Variants in MALRD1 observed in about 807,000 individuals in gnomAD.
The protein encoded by MALRD1 is MAM and LDL-receptor class A domain-containing protein 1.
A neutral mutation model predicts 242.1 loss-of-function variants in MALRD1; 247 were observed. The ratio of observed to expected loss-of-function variants is 1.02; its 90% CI spans 0.92 to 1.13. The LOEUF is 1.13. Among genes scored for constraint, MALRD1 ranks in the 50% most tolerant of loss-of-function variants. The probability of loss-of-function intolerance (pLI) is 0.00; values close to 1 mark genes in which losing one functional copy is unlikely to be tolerated. For synonymous variants in MALRD1, 995 were observed against 866.6 expected (o/e 1.15, Z -2.60); for missense variants, 2,989 against 2,533.1 (o/e 1.18, Z -3.86).
At chr10:19,640,104 C>A (rs1307011556) in intron 36 of MALRD1, among the ~76,000 whole-genome samples, 1 of 151,938 alleles carries the variant, frequency 6.6e-6, no homozygotes, top group Non-Finnish European at 1.5e-5. Context: ...TTATTTTTTT[C>A]TTGAGAAAGA....
chr10:19,451,831 A>C (rs1279621678), intron 29 of MALRD1, among the ~76,000 whole-genome samples: 1 of 152,150 alleles, frequency 6.6e-6, no homozygotes, highest in Non-Finnish European at 1.5e-5. Context: ...GGTGGTTGTT[A>C]CTCAGCTACC....
chr10:19,219,949 A>T (rs2131661749), intron 18 of MALRD1, among the ~76,000 whole-genome samples: 1 of 152,248 alleles, frequency 6.6e-6, no homozygotes, highest in East Asian at 1.9e-4. Flanking sequence ...GTCAATACAG[A>T]CTACTGTATT....
chr10:19,428,982 A>T (rs1358873528), intron 28 of MALRD1, among the ~76,000 whole-genome samples: 1 of 152,202 alleles, frequency 6.6e-6, no homozygotes, highest in Non-Finnish European at 1.5e-5. Context: ...ATAAATAGCC[A>T]TATATTTTAC....
intron 4 of MALRD1, among the ~76,000 whole-genome samples, chr10:19,090,657 G>C (rs1342520357): frequency 3.5e-5 from 1 of 28,366 alleles, no homozygotes; most frequent in Non-Finnish European, 6.1e-5. Context: ...GGGCATCCCT[G>C]TCTTGTGCCA....
intron 36 of MALRD1, among the ~76,000 whole-genome samples, chr10:19,631,579 A>G (rs929802809): frequency 6.6e-6 from 1 of 152,160 alleles, no homozygotes; most frequent in Admixed American, 6.6e-5. Context: ...ACTGCTTTCC[A>G]CAATGGTTGA....
At chr10:19,308,399 G>A (rs960317558) in intron 21 of MALRD1, among the ~76,000 whole-genome samples, 1 of 151,460 alleles carries the variant, frequency 6.6e-6, no homozygotes, top group African/African-American at 2.4e-5. Context: ...ATTCTACAGT[G>A]ATGTAAAATA....
At chr10:19,275,655 C>T (rs1404584436) in intron 19 of MALRD1, among the ~76,000 whole-genome samples, 2 of 151,508 alleles carry the variant, frequency 1.3e-5, no homozygotes, top group African/African-American at 2.4e-5. Context: ...GGCGACAGAG[C>T]GAGACTCTGT....
chr10:19,285,577 A>G (rs1458649220), intron 21 of MALRD1, among the ~76,000 whole-genome samples: 11 of 151,356 alleles, frequency 7.3e-5, no homozygotes, highest in Non-Finnish European at 1.5e-4. Context: ...ATGCGGCGTT[A>G]TTTCTGAGGG....
At chr10:19,580,129 G>A (rs926503011) in intron 33 of MALRD1, among the ~76,000 whole-genome samples, 2 of 152,088 alleles carry the variant, frequency 1.3e-5, no homozygotes, top group African/African-American at 4.8e-5. Flanking sequence ...GAAAAAAATG[G>A]CCAGCAACCA....
rs1041137982 is a variant in MALRD1, at chr10:19,324,014, A to G, written c.3485A>G (p.Asp1162Gly). ...SSNGKFGDTA[D>G]ILTPIISLTG... ...AATGGGAAATTTGGTGACACGGCTG[A>G]CATTCTCACTCCTATCATTTCACTC... Residue 1162 changes from aspartate (D) to glycine (G), a missense_variant, in exon 22 of 40, where the codon GAC becomes GGC. Physicochemically the swap from Asp to Gly is moderately conservative, Grantham distance 94. Coordinates refer to ENST00000454679, the MANE Select transcript of MALRD1 (RefSeq NM_001142308.3). 9 of 1,550,808 alleles carry G rather than the reference A, an allele frequency of 5.8e-6. No individual in the cohort carries two copies. The Middle Eastern group carries it at 8.3e-4, about 144-fold the overall frequency.
chr10:19,621,383 G>T (rs924758854), intron 36 of MALRD1, among the ~76,000 whole-genome samples: 18 of 125,536 alleles, frequency 1.4e-4, no homozygotes, highest in African/African-American at 3.5e-4. Flanking sequence ...AGAATCAATT[G>T]AACCCAAGGA....
chr10:19,170,339 C>A (rs1459288558), intron 13 of MALRD1, among the ~76,000 whole-genome samples: 1 of 152,136 alleles, frequency 6.6e-6, no homozygotes, highest in Non-Finnish European at 1.5e-5. Context: ...CTCAAGGTGG[C>A]ACTTTTTCTG....
intron 28 of MALRD1, among the ~76,000 whole-genome samples, chr10:19,443,154 C>A (rs547309818): frequency 2.0e-5 from 3 of 152,210 alleles, no homozygotes; most frequent in African/African-American, 7.2e-5. Flanking sequence ...TCTGTGGGAT[C>A]GGTGGTGATA....
Position 19,331,550 on chromosome 10 carries a change from CTGA to C in MALRD1, c.3871_3873del (p.Asp1291del), listed in dbSNP as rs1177299771. On this transcript the variant is annotated inframe_deletion, in exon 24 of 40. Transcript: ENST00000454679. ...CTGTGTGATTTTGTGAATGATTGTG[CTGA>C]TAATTCAGATGAGACTACTTTCATT... The C allele has an allele frequency of 1.9e-6, 3 of 1,550,080 alleles. No individual in the cohort carries two copies. The highest frequency in any genetic ancestry group is 2.6e-6 in the Non-Finnish European group (3 of 1,146,766).
At chr10:19,566,407 G>A (rs889082176) in intron 32 of MALRD1, among the ~76,000 whole-genome samples, 3 of 150,398 alleles carry the variant, frequency 2.0e-5, no homozygotes, top group Admixed American at 1.3e-4. Context: ...CCAAAGTGCT[G>A]GGATTACAGG....
intron 31 of MALRD1, among the ~76,000 whole-genome samples, chr10:19,526,833 CATTAGATTG>C (rs1175673990): frequency 1.3e-5 from 2 of 152,060 alleles, no homozygotes; most frequent in Non-Finnish European, 2.9e-5. Flanking sequence ...AAAATGCAAA[CATTAGATTG>C]TATAACATTT....
At chr10:19,243,212 C>CT (rs1039748594) in intron 18 of MALRD1, among the ~76,000 whole-genome samples, 5 of 146,728 alleles carry the variant, frequency 3.4e-5, no homozygotes, top group African/African-American at 1.1e-4. Context: ...TTCTCCCCCG[C>CT]CACACACACA....
intron 14 of MALRD1, among the ~76,000 whole-genome samples, chr10:19,188,977 A>G (rs897490467): frequency 1.3e-5 from 2 of 152,196 alleles, no homozygotes; most frequent in African/African-American, 4.8e-5. Flanking sequence ...GAAATCAAAC[A>G]TTGGTTCTTC....
chr10:19,419,335 C>A (rs1166192276), intron 28 of MALRD1, among the ~76,000 whole-genome samples: 1 of 152,064 alleles, frequency 6.6e-6, no homozygotes. Context: ...CATTCTGTCA[C>A]CCAGGCTGGA....
Sources: allele counts gnomAD v4.1 joint callset (sites outside exome capture counted in the v4.1 genomes callset), GRCh38; gene constraint gnomAD v4.1.1; transcripts MANE v1.5; gene names NCBI Gene and HGNC (gene_info 2026-07-23, HGNC 2026-07-21).